METTL21A: variants seen among roughly 807,000 people sequenced by gnomAD.
METTL21A encodes the protein methyltransferase 21A, HSPA lysine, also known as protein N-lysine methyltransferase METTL21A.
METTL21A carries 22 observed loss-of-function variants against 20.9 expected under a neutral mutation model. The ratio of observed to expected loss-of-function variants is 1.05; its 90% CI spans 0.75 to 1.50. The LOEUF (loss-of-function observed/expected upper bound fraction) is 1.50, where lower values mean the gene tolerates loss of function less well. METTL21A is among the 40% of genes most tolerant of loss of function. The probability of loss-of-function intolerance (pLI) is 0.00; values close to 1 mark genes in which losing one functional copy is unlikely to be tolerated. For missense variants in METTL21A, 271 were observed against 266.8 expected (o/e 1.02, Z -0.11); for synonymous variants, 93 against 102.0 (o/e 0.91, Z 0.53).
At chr2:207,596,539 T>TGC (rs1251008748) in intron 3 of METTL21A, among the ~76,000 whole-genome samples, 1 of 151,816 alleles carries the variant, frequency 6.6e-6, no homozygotes, top group East Asian at 2.0e-4. Context: ...GTTCAAGCGA[T>TGC]GCCCATGGCT....
At chr2:207,583,771 G>A (rs1237881330) in intron 3 of METTL21A, among the ~76,000 whole-genome samples, 1 of 152,116 alleles carries the variant, frequency 6.6e-6, no homozygotes, top group Non-Finnish European at 1.5e-5. Context: ...AATGCCATAT[G>A]GAACAATTAT....
intron 3 of METTL21A, chr2:207,600,769 A>T (rs1268689578): frequency 4.8e-6 from 1 of 209,932 alleles, no homozygotes; most frequent in Admixed American, 5.9e-5. Flanking sequence ...GCTGAAGTTT[A>T]TCTCTGTCTC....
chr2:207,588,830 A>G (rs1319946783), intron 3 of METTL21A, among the ~76,000 whole-genome samples: 5 of 140,630 alleles, frequency 3.6e-5, no homozygotes, highest in African/African-American at 1.1e-4. Flanking sequence ...TGGCTTCTGT[A>G]TATTTACCTT....
chr2:207,581,736 A>C, exon 4 of METTL21A: 1 of 623,096 alleles, frequency 1.6e-6, no homozygotes, highest in Non-Finnish European at 2.8e-6. Flanking sequence ...ATAAAAGTAC[A>C]TTGGTATAAT....
chr2:207,590,114 T>TA (rs1407164912), intron 3 of METTL21A, among the ~76,000 whole-genome samples: 1 of 126,518 alleles, frequency 7.9e-6, no homozygotes, highest in Non-Finnish European at 1.6e-5. Context: ...TTTTAATAGA[T>TA]ACGGGATCAT....
chr2:207,605,458 G>A (rs1034775083), downstream of METTL21A, among the ~76,000 whole-genome samples: 11 of 151,868 alleles, frequency 7.2e-5, no homozygotes, highest in East Asian at 7.7e-4. Flanking sequence ...TAATATTTTC[G>A]CCTATAAGTT....
At chr2:207,581,709 G>A in exon 4 of METTL21A, 1 of 594,340 alleles carries the variant, frequency 1.7e-6, no homozygotes, top group Non-Finnish European at 3.0e-6. Flanking sequence ...TACATAACCA[G>A]GGTACATTTA....
intron 3 of METTL21A, among the ~76,000 whole-genome samples, chr2:207,590,814 G>T (rs1481027907): frequency 6.6e-6 from 1 of 152,080 alleles, no homozygotes; most frequent in East Asian, 1.9e-4. Flanking sequence ...GGCAACCCTT[G>T]ATATAAATAA....
intron 3 of METTL21A, among the ~76,000 whole-genome samples, chr2:207,592,817 G>A (rs532131923): frequency 1.3e-5 from 2 of 152,120 alleles, no homozygotes; most frequent in East Asian, 3.9e-4. Flanking sequence ...TGAGGCTGAG[G>A]CAAGGGAATT....
intron 3 of METTL21A, chr2:207,598,915 A>G (rs1004741615): frequency 5.5e-6 from 1 of 180,432 alleles, no homozygotes; most frequent in African/African-American, 2.4e-5. Context: ...TTAGAAAACT[A>G]ATGTTTTATA....
intron 3 of METTL21A, among the ~76,000 whole-genome samples, chr2:207,588,751 G>C (rs1473071849): frequency 1.3e-5 from 2 of 150,702 alleles, no homozygotes; most frequent in Non-Finnish European, 3.0e-5. Context: ...TTGTGTGTGG[G>C]GGTGGGGGGA....
downstream of METTL21A, chr2:207,581,584 C>T (rs1238848837): frequency 3.5e-6 from 1 of 286,680 alleles, no homozygotes; most frequent in African/African-American, 2.2e-5. Flanking sequence ...CAAACCAGTA[C>T]AAAGGTAAAT....
rs2089238982 is a variant in METTL21A at position 207,613,339 on chromosome 2, C to A, written c.364G>T (p.Glu122Ter). The A allele has an allele frequency of 1.9e-6, 3 of 1,613,942 alleles. No individual in the cohort carries two copies. The highest frequency in any genetic ancestry group is 3.3e-5 in the Admixed American group (2 of 59,966). ...CCCAAATTTTGTCCCCAAGTCAGCT[C>A]CTTAACAACAGTTTTAGTTTGGATA... The change falls in exon 4 of 4, where the codon GAG (glutamate) becomes TAG (stop). Residue 122 changes from glutamate to a stop codon, truncating the protein, a stop_gained. Transcript: ENST00000406927. LOFTEE classifies it high-confidence loss of function.
rs2090969126 is a variant in METTL21A at position 207,625,057 on chromosome 2, C to CTCA, written c.-30+205_-30+207dup. 6.6e-6 allele frequency: 1 copy of CTCA among 152,562 alleles called. No individual in the cohort carries two copies. The highest frequency in any genetic ancestry group is 6.5e-5 in the Admixed American group (1 of 15,294). The allele number at this position is 152,562 out of a possible 1,614,324, so 9.5% of individuals were successfully genotyped here. On this transcript the variant is annotated intron_variant, in intron 1 of 3. Coordinates refer to ENST00000406927, the Ensembl canonical transcript of METTL21A. ...GAACTCCCCCTATAGCTGCCCCCCA[C>CTCA]TCACCCCTCTCCCGGGACGACCAGT...
At chr2:207,624,530 C>A (rs111470100) in intron 1 of METTL21A, 126 bp from the exon 2 acceptor site, 5 of 842,944 alleles carry the variant, frequency 5.9e-6, no homozygotes, top group Non-Finnish European at 8.5e-6. Context: ...GTGGAGGAAG[C>A]CTTTGTCCAA....
In METTL21A at chr2:207,593,495, A is replaced by T. The variant is rs527242727; in HGVS notation, c.260-11335T>A. 2.0e-5 allele frequency among the ~76,000 whole-genome samples: 3 copies of T among 152,296 alleles called. No individual in the cohort carries two copies. The South Asian group carries it at 6.2e-4, about 32-fold the overall frequency. On this transcript the variant is annotated intron_variant, in intron 3 of 3. Transcript: ENST00000425132. The stretch of plus-strand genomic sequence containing the variant: ...CAGTGAGCCCTCATTGTGCCACTGC[A>T]CTCCAGCCTGGGCAGCAGAGCAAGA...
At chr2:207,602,756 TAA>T (rs1281752337) in intron 3 of METTL21A, 23 of 213,238 alleles carry the variant, frequency 1.1e-4, no homozygotes, top group Non-Finnish European at 9.5e-6. Context: ...TTATTTATAT[TAA>T]AAGTGGGAAA....
chr2:207,614,073 TG>T (rs1229222998), intron 3 of METTL21A, among the ~76,000 whole-genome samples: 1 of 152,094 alleles, frequency 6.6e-6, no homozygotes. Context: ...TTAAGTCAGT[TG>T]GCCGCAGGCT....
downstream of METTL21A, chr2:207,581,289 A>T: frequency 5.1e-6 from 1 of 196,796 alleles, no homozygotes; most frequent in East Asian, 8.0e-5. Flanking sequence ...GAAAAATTCT[A>T]AAAAAATTAA....
Sources: allele counts gnomAD v4.1 joint callset (sites outside exome capture counted in the v4.1 genomes callset), GRCh38; gene constraint gnomAD v4.1.1; transcripts MANE v1.5; gene names NCBI Gene and HGNC (gene_info 2026-07-23, HGNC 2026-07-21).